The following RAB33A variants were observed in gnomAD, a reference collection of about 807,000 sequenced individuals.
RAB33A encodes ras-related protein Rab-33A.
RAB33A carries 6 observed loss-of-function variants against 12.0 expected under a neutral mutation model. That is an observed-to-expected ratio of 0.50 (90% CI 0.27 to 0.99). The LOEUF (loss-of-function observed/expected upper bound fraction) is 0.99, where lower values mean the gene tolerates loss of function less well. Among genes scored for constraint, RAB33A ranks in the 50% least tolerant of loss-of-function variants. The probability of loss-of-function intolerance (pLI) is 0.11; values close to 1 mark genes in which losing one functional copy is unlikely to be tolerated. For missense variants in RAB33A, 109 were observed against 192.0 expected (o/e 0.57, Z 2.55); for synonymous variants, 70 against 82.4 (o/e 0.85, Z 0.81).
At chrX:130,182,344 A>T (rs1426671947) in intron 1 of RAB33A, among the ~76,000 whole-genome samples, 1 of 108,572 alleles carries the variant, frequency 9.2e-6, no homozygotes, top group African/African-American at 3.3e-5. Context: ...AATAAATATC[A>T]CTATAGTCTC....
chrX:130,141,404 T>C, the RAB33A span, among the ~76,000 whole-genome samples: 1 of 111,929 alleles, frequency 8.9e-6, no homozygotes, highest in Non-Finnish European at 1.9e-5. Context: ...CAGCCTTTCT[T>C]ATATGGCTGT....
the RAB33A span, among the ~76,000 whole-genome samples, chrX:130,163,624 T>C: frequency 8.9e-6 from 1 of 112,209 alleles, no homozygotes; most frequent in Non-Finnish European, 1.9e-5. Context: ...AGTCCGAATA[T>C]ATTCTACAGT....
At chrX:130,137,617 G>A in the RAB33A span, 2 of 1,129,149 alleles carry the variant, frequency 1.8e-6, no homozygotes, top group African/African-American at 1.8e-5. Flanking sequence ...TGTGCCCAAA[G>A]AAGTTTTTGG....
chrX:130,176,005 T>C (rs2051994409), intron 1 of RAB33A, among the ~76,000 whole-genome samples: 1 of 111,392 alleles, frequency 9.0e-6, no homozygotes, highest in Non-Finnish European at 1.9e-5. Context: ...CCACACATCA[T>C]GCTGCCTGGC....
At chrX:130,180,361 G>C (rs1005055673) in intron 1 of RAB33A, among the ~76,000 whole-genome samples, 17 of 112,615 alleles carry the variant, frequency 1.5e-4, no homozygotes, top group Non-Finnish European at 2.8e-4. Flanking sequence ...GCACTTTCAG[G>C]GGCTGAGGCA....
chrX:130,177,162 C>T (rs1329884568), intron 1 of RAB33A, among the ~76,000 whole-genome samples: 1 of 112,332 alleles, frequency 8.9e-6, no homozygotes, highest in African/African-American at 3.2e-5. Flanking sequence ...GTATTCCTCT[C>T]TCCACCCCCT....
At chrX:130,121,941 G>A in the RAB33A span, among the ~76,000 whole-genome samples, 12 of 112,089 alleles carry the variant, frequency 1.1e-4, no homozygotes, top group African/African-American at 3.9e-4. Flanking sequence ...TGCTTCAGGC[G>A]GGATTTGGAA....
chrX:130,145,496 C>T, the RAB33A span: 1 of 1,209,606 alleles, frequency 8.3e-7, no homozygotes, highest in East Asian at 3.0e-5. Context: ...CCAGTGAGGA[C>T]AGCCACACCA....
At chrX:130,170,603 T>C (rs2031594455), upstream of RAB33A, among the ~76,000 whole-genome samples, 1 of 112,902 alleles carries the variant, frequency 8.9e-6, no homozygotes, top group Non-Finnish European at 1.9e-5. Context: ...TTGACCAAGA[T>C]GTGTGTGATG....
chrX:130,179,205 T>C (rs986517728), intron 1 of RAB33A, among the ~76,000 whole-genome samples: 2 of 111,350 alleles, frequency 1.8e-5, no homozygotes, highest in Non-Finnish European at 3.8e-5. Flanking sequence ...AGGCTCCCAA[T>C]AGTGTTGGAA....
rs370694549 is a variant in RAB33A, at chrX:130,182,179, T to TATATATATATATACACAC, written c.259-2103_259-2102insTATATATATACACACATA. On this transcript the variant is annotated intron_variant, in intron 1 of 1. Transcript: ENST00000257017. ...AAAAATATATATATATATATATATA[T>TATATATATATATACACAC]ATACACATATATATAACATATATAC... Among the ~76,000 whole-genome samples the TATATATATATATACACAC allele has an allele frequency of 5.5e-5, 4 of 72,663 alleles. 1 individual carries two copies. The highest frequency in any genetic ancestry group is 1.9e-4 in the African/African-American group (3 of 16,098). 63.1% of individuals were successfully genotyped at this position (72,663 alleles called of 115,157 possible).
At chrX:130,168,972 C>T (rs2031574727), upstream of RAB33A, among the ~76,000 whole-genome samples, 1 of 110,266 alleles carries the variant, frequency 9.1e-6, no homozygotes, top group African/African-American at 3.3e-5. Context: ...CTTTGGGAGG[C>T]CAAGGCGGGC....
chrX:130,145,938 A>G, the RAB33A span, among the ~76,000 whole-genome samples: 2 of 111,888 alleles, frequency 1.8e-5, no homozygotes, highest in Non-Finnish European at 3.8e-5. Context: ...CCAAATGTCA[A>G]TAGTGCTGAG....
chrX:130,171,889 C>T, upstream of RAB33A: 1 of 507,669 alleles, frequency 2.0e-6, no homozygotes, highest in South Asian at 3.5e-5. Context: ...GAGAGGCACC[C>T]CCTTCACGCG....
chrX:130,131,807 G>A, the RAB33A span: 1 of 1,210,745 alleles, frequency 8.3e-7, no homozygotes, highest in Non-Finnish European at 1.1e-6. Flanking sequence ...CTCCTAAGAA[G>A]AGAGAAGAGG....
chrX:130,144,443 T>A, the RAB33A span, among the ~76,000 whole-genome samples: 1 of 112,279 alleles, frequency 8.9e-6, no homozygotes, highest in African/African-American at 3.2e-5. Flanking sequence ...TCCTAACTTG[T>A]ACCTAACTGC....
chrX:130,129,284 G>C, the RAB33A span: 234 of 373,803 alleles, frequency 6.3e-4, no homozygotes, highest in African/African-American at 5.4e-3. Flanking sequence ...GTGCTTGGTC[G>C]GTGCTGCAAT....
chrX:130,178,796 C>T (rs1187155950), intron 1 of RAB33A, among the ~76,000 whole-genome samples: 1 of 108,401 alleles, frequency 9.2e-6, no homozygotes, highest in Non-Finnish European at 1.9e-5. Flanking sequence ...GGACTACAGG[C>T]GTCCACCACC....
intron 1 of RAB33A, among the ~76,000 whole-genome samples, chrX:130,177,029 C>T (rs760302296): frequency 1.4e-3 from 156 of 112,364 alleles, no homozygotes; most frequent in African/African-American, 4.7e-3. Context: ...TGCTGAAGCT[C>T]GCCCAGAAAA....
Sources: allele counts gnomAD v4.1 joint callset (sites outside exome capture counted in the v4.1 genomes callset), GRCh38; gene constraint gnomAD v4.1.1; transcripts MANE v1.5; gene names NCBI Gene and HGNC (gene_info 2026-07-23, HGNC 2026-07-21).